Variants in MIER1 observed in about 807,000 individuals in gnomAD.
MIER1 encodes mesoderm induction early response protein 1.
In MIER1, 40 loss-of-function variants were observed where a neutral mutation model predicts 75.7. The ratio of observed to expected loss-of-function variants is 0.53; its 90% CI spans 0.41 to 0.69. MIER1 has a LOEUF of 0.69. Ranked by LOEUF, MIER1 falls within the 30% of genes least tolerant of loss-of-function variation. The pLI is 0.00. For synonymous variants in MIER1, 213 were observed against 223.4 expected, an observed-to-expected ratio of 0.95 and a Z score of 0.42; for missense variants, 574 against 680.2, an observed-to-expected ratio of 0.84 and a Z score of 1.74.
chr1:66,957,590 T>G (rs1175180665), intron 4 of MIER1, among the ~76,000 whole-genome samples: 1 of 131,522 alleles, frequency 7.6e-6, no homozygotes, highest in Admixed American at 7.9e-5. Context: ...TGTTTGTGTT[T>G]TTTTTTTTTT....
chr1:66,944,590 A>G (rs1412658788), intron 3 of MIER1, among the ~76,000 whole-genome samples: 1 of 151,832 alleles, frequency 6.6e-6, no homozygotes, highest in Non-Finnish European at 1.5e-5. Context: ...ATTAGACTAG[A>G]TTATTTTTAA....
chr1:66,973,069 T>C (rs1664021210), intron 11 of MIER1, 78 bp downstream of exon 11: 3 of 763,590 alleles, frequency 3.9e-6, no homozygotes, highest in South Asian at 1.6e-5. Flanking sequence ...TAATTTGTTA[T>C]ATTGTCTAGT....
rs1553260965 is a variant in MIER1 at position 66,987,762 on chromosome 1, A to AATAC, written c.*2865_*2866insCATA. 6.6e-6 allele frequency: 1 copy of AATAC among 151,708 alleles called. No individual in the cohort carries two copies. Among genetic ancestry groups the AATAC allele is most frequent in the Admixed American group, 6.6e-5 (1 of 15,224 alleles). The allele number at this position is 151,708 out of a possible 1,614,324, so 9.4% of individuals were successfully genotyped here. A position where few individuals can be genotyped will look rare whatever the true frequency, so the allele number is the denominator to read the frequency against. ...AATGATGCATGTTATTGACAAGGCA[A>AATAC]ATATATATATATACACAGTCTGTTT... On this transcript the variant is annotated 3_prime_UTR_variant, in exon 14 of 14. Coordinates refer to ENST00000401041, the MANE Select transcript of MIER1 (RefSeq NM_001077700.3).
intron 1 of MIER1, chr1:66,925,309 G>T (rs1397142334): frequency 3.0e-6 from 3 of 985,184 alleles, no homozygotes; most frequent in Non-Finnish European, 3.6e-6. Flanking sequence ...TCCTCCCTCT[G>T]GCCATCGACT....
intron 13 of MIER1, among the ~76,000 whole-genome samples, chr1:66,983,996 A>T (rs766829758): frequency 4.3e-4 from 66 of 152,320 alleles, no homozygotes; most frequent in East Asian, 1.7e-3. Context: ...AGTGCTGGGA[A>T]TACAGGCGTG....
intron 2 of MIER1, among the ~76,000 whole-genome samples, chr1:66,927,843 A>G (rs1247071443): frequency 6.6e-6 from 1 of 152,164 alleles, no homozygotes; most frequent in African/African-American, 2.4e-5. Context: ...AGAATTGACT[A>G]AAAGATCTCT....
intron 8 of MIER1, among the ~76,000 whole-genome samples, chr1:66,968,958 G>A (rs1053371428): frequency 1.5e-4 from 23 of 152,228 alleles, no homozygotes; most frequent in Admixed American, 9.8e-4. Flanking sequence ...CTACCCCAAA[G>A]ATCCCAAAAA....
At chr1:66,968,450 C>T (rs543055560) in intron 8 of MIER1, among the ~76,000 whole-genome samples, 1 of 151,874 alleles carries the variant, frequency 6.6e-6, no homozygotes, top group South Asian at 2.1e-4. Context: ...TTTTTAAGTG[C>T]CACAAAACTA....
chr1:66,961,189 A>G (rs1661188646), intron 7 of MIER1, among the ~76,000 whole-genome samples: 1 of 152,292 alleles, frequency 6.6e-6, no homozygotes, highest in Admixed American at 6.5e-5. Context: ...TGTTTTAAAT[A>G]ATTGTCAAGG....
intron 13 of MIER1, among the ~76,000 whole-genome samples, chr1:66,984,292 G>T (rs999062442): frequency 2.6e-5 from 4 of 152,154 alleles, no homozygotes; most frequent in African/African-American, 9.7e-5. Flanking sequence ...GCCAAATTCT[G>T]TTCTTAGTTC....
At position 66,976,741 on chromosome 1, in the gene MIER1, TAA is replaced by T; in HGVS notation, c.1229+20_1229+21del. 3 of 1,562,664 alleles carry T rather than the reference TAA, an allele frequency of 1.9e-6. No homozygotes were observed. Among genetic ancestry groups the T allele is most frequent in the Non-Finnish European group, 2.6e-6 (3 of 1,156,434 alleles). The stretch of plus-strand genomic sequence containing the variant: ...GTGTAACGTGAGTTAATTTTTTCCT[TAA>T]GAGCTATATATACATTTTTGCTAAG... On this transcript the variant is annotated intron_variant, in intron 12 of 13. Transcript: ENST00000401041.
chr1:66,936,841 T>A (rs1308305192), intron 2 of MIER1, among the ~76,000 whole-genome samples: 1 of 150,020 alleles, frequency 6.7e-6, no homozygotes. Flanking sequence ...TCTACTAAAA[T>A]ACAAAAAATT....
At position 66,947,981 on chromosome 1, in the gene MIER1, G is replaced by A. The variant is rs1172313946; in HGVS notation, c.339+1686G>A. 3.7e-5 allele frequency: 36 copies of A among 984,670 alleles called. No individual in the cohort carries two copies. In the South Asian group the frequency reaches 1.6e-3, roughly 44 times the overall value. 61.0% of individuals were successfully genotyped at this position (984,670 alleles called of 1,614,324 possible). A position where few individuals can be genotyped will look rare whatever the true frequency, so the allele number is the denominator to read the frequency against. On this transcript the variant is annotated intron_variant, in intron 4 of 13. Transcript: ENST00000401041. ...GCAGCCTTTCCTGTCCCCTAATTAG[G>A]TTTTAATTAGTTTTTTGTTTTATTT...
intron 2 of MIER1, among the ~76,000 whole-genome samples, chr1:66,937,352 C>CA (rs1271145498): frequency 6.6e-6 from 1 of 151,940 alleles, no homozygotes; most frequent in Non-Finnish European, 1.5e-5. Flanking sequence ...TTTGGGAGGC[C>CA]AAAGCAGGGA....
intron 5 of MIER1, 60 bp from the exon 6 acceptor site, chr1:66,958,791 G>A (rs1660671481): frequency 7.2e-7 from 1 of 1,384,196 alleles, no homozygotes; most frequent in Admixed American, 1.9e-5. Context: ...ATATGCTATG[G>A]TCTTTCATCT....
chr1:66,965,575 G>A (rs746809861), intron 8 of MIER1, among the ~76,000 whole-genome samples: 1 of 152,138 alleles, frequency 6.6e-6, no homozygotes, highest in Non-Finnish European at 1.5e-5. Flanking sequence ...TACGTGAGAT[G>A]TCTTGATACA....
At chr1:66,937,256 T>C (rs545626108) in intron 2 of MIER1, among the ~76,000 whole-genome samples, 162 of 152,180 alleles carry the variant, frequency 1.1e-3, no homozygotes, top group Non-Finnish European at 1.7e-3. Context: ...TTCCTATATT[T>C]ATGATTATGA....
chr1:66,952,776 G>C (rs564823351), intron 4 of MIER1, among the ~76,000 whole-genome samples: 2 of 152,224 alleles, frequency 1.3e-5, no homozygotes, highest in East Asian at 1.9e-4. Context: ...CTAGTAGCTG[G>C]GACTACGGGC....
In MIER1 at chr1:66,986,413, A is replaced by G. The variant is rs763703281; in HGVS notation, c.*1513A>G. On this transcript the variant is annotated 3_prime_UTR_variant, in exon 14 of 14. Coordinates refer to ENST00000401041, the MANE Select transcript of MIER1 (RefSeq NM_001077700.3). ...GTTTTTCTCACACAGGCATACTCCA[A>G]ATGCTTCTTCCAGTTCATTTTTCAG... 2.5e-6 allele frequency: 4 copies of G among 1,613,076 alleles called. 1 individual carries two copies. In the South Asian group the frequency reaches 3.3e-5, roughly 13 times the overall value.
Sources: gnomAD v4.1 joint callset for allele counts (sites outside exome capture counted in the v4.1 genomes callset) on GRCh38, gnomAD v4.1.1 for gene constraint, MANE v1.5 for transcripts, NCBI Gene and HGNC (gene_info 2026-07-23, HGNC 2026-07-21) for gene names.